Variants in LRRIQ1 observed in about 807,000 individuals in gnomAD.
The protein encoded by LRRIQ1 is leucine-rich repeat- and IQ domain-containing protein 1.
Under a neutral mutation model 211.9 loss-of-function variants are expected in LRRIQ1, and 210 were observed. The observed-to-expected ratio is 0.99, with a 90% CI of 0.89 to 1.11. The LOEUF is 1.11. LRRIQ1 is among the 50% of genes most tolerant of loss of function. The pLI is 0.00. For synonymous variants in LRRIQ1, 699 were observed against 650.1 expected (o/e 1.08, Z -1.14); for missense variants, 2,136 against 1,939.5 (o/e 1.10, Z -1.90).
At chr12:85,067,116 A>G (rs1882522461) in intron 10 of LRRIQ1, among the ~76,000 whole-genome samples, 1 of 151,898 alleles carries the variant, frequency 6.6e-6, no homozygotes, top group African/African-American at 2.4e-5. Flanking sequence ...AGCAGTTAGT[A>G]TATTTACTTC....
At chr12:85,073,451 G>A (rs1883310649) in intron 11 of LRRIQ1, among the ~76,000 whole-genome samples, 2 of 151,960 alleles carry the variant, frequency 1.3e-5, no homozygotes, top group Non-Finnish European at 2.9e-5. Context: ...CAAGTGCATT[G>A]ATAATGTATG....
chr12:85,036,689 C>T (rs1219445066), intron 1 of LRRIQ1, among the ~76,000 whole-genome samples: 2 of 151,836 alleles, frequency 1.3e-5, no homozygotes, highest in Non-Finnish European at 2.9e-5. Context: ...ATTTTCCTTC[C>T]TTCCTTCCCT....
intron 19 of LRRIQ1, among the ~76,000 whole-genome samples, chr12:85,141,617 A>G (rs751491942): frequency 3.0e-5 from 4 of 135,234 alleles, no homozygotes; most frequent in African/African-American, 1.1e-4. Flanking sequence ...CATAACGTAT[A>G]TCTTTCTAAC....
rs1895644491 is a variant in LRRIQ1 at position 85,244,853 on chromosome 12, T to TG, written c.5082dup (p.Ser1695ValfsTer20). On this transcript the variant is annotated frameshift_variant, in exon 27 of 27. Transcript: ENST00000393217. LOFTEE classifies it high-confidence loss of function. The stretch of plus-strand genomic sequence containing the variant: ...TTTTCCATGACCAATGGAAGTGCTT[T>TG]GTCTGTGAACAGAGAAAAAAAAAAT... The TG allele has an allele frequency of 1.9e-6, 3 of 1,606,538 alleles. No individual in the cohort carries two copies. The highest frequency in any genetic ancestry group is 1.7e-5 in the Admixed American group (1 of 58,858).
intron 24 of LRRIQ1, among the ~76,000 whole-genome samples, chr12:85,206,986 AC>A (rs1013212545): frequency 1.3e-5 from 2 of 151,814 alleles, no homozygotes; most frequent in South Asian, 2.1e-4. Flanking sequence ...CCCACACCAA[AC>A]CCTTGGAGCT....
Position 85,121,699 on chromosome 12 carries a change from A to T in LRRIQ1, c.3380A>T (p.Asp1127Val). The T allele has an allele frequency of 6.4e-7, 1 of 1,568,248 alleles. No homozygotes were observed. The highest frequency in any genetic ancestry group is 8.6e-7 in the Non-Finnish European group (1 of 1,159,986). Residue 1127 changes from aspartate to valine, a missense_variant and splice_region_variant, in exon 16 of 27, where the codon GAT (aspartate) becomes GTT (valine). Physicochemically the swap from Asp to Val is radical, Grantham distance 152 (BLOSUM62 -3). Transcript: ENST00000393217. ...NPLLQETNWRDSLLKVLPALR... is the reference protein window; with the variant it reads ...NPLLQETNWRVSLLKVLPALR... The stretch of plus-strand genomic sequence containing the variant: ...AACTTTTTTGTTGTTTTCAATAGGG[A>T]TTCTCTACTTAAAGTGTTGCCTGCT...
At chr12:85,175,335 A>G (rs188281586) in intron 24 of LRRIQ1, among the ~76,000 whole-genome samples, 10 of 152,310 alleles carry the variant, frequency 6.6e-5, no homozygotes, top group Middle Eastern at 3.4e-3. Context: ...AGAGAACACC[A>G]TGAGCAGTCC....
intron 24 of LRRIQ1, among the ~76,000 whole-genome samples, chr12:85,217,853 C>A (rs1592986053): frequency 6.6e-6 from 1 of 151,030 alleles, no homozygotes; most frequent in Non-Finnish European, 1.5e-5. Flanking sequence ...GCCACTATCA[C>A]CATGTTATTC....
At chr12:85,099,809 A>G (rs941733124) in intron 13 of LRRIQ1, among the ~76,000 whole-genome samples, 6 of 151,760 alleles carry the variant, frequency 4.0e-5, no homozygotes, top group African/African-American at 1.4e-4. Flanking sequence ...TCATCTCTCA[A>G]TCTCTTCCAC....
At chr12:85,193,751 G>T (rs537085966) in intron 24 of LRRIQ1, among the ~76,000 whole-genome samples, 8,550 of 151,018 alleles carry the variant, frequency 0.057, 795 homozygotes, top group African/African-American at 0.2. Flanking sequence ...AGACTAGGAA[G>T]AAACTGCATC....
intron 11 of LRRIQ1, among the ~76,000 whole-genome samples, chr12:85,096,722 CT>C (rs1255136653): frequency 6.6e-6 from 1 of 152,108 alleles, no homozygotes; most frequent in Non-Finnish European, 1.5e-5. Context: ...TGTTGGTTTT[CT>C]GCTTAAGTGA....
At chr12:85,137,371 A>AT (rs1046374266) in intron 18 of LRRIQ1, among the ~76,000 whole-genome samples, 1 of 151,530 alleles carries the variant, frequency 6.6e-6, no homozygotes, top group African/African-American at 2.4e-5. Flanking sequence ...AAATTTTGTT[A>AT]TTTTATGCTT....
chr12:85,262,770 T>A (rs1896334334), intron 1 of LRRIQ1: 1 of 223,410 alleles, frequency 4.5e-6, no homozygotes, highest in South Asian at 1.6e-4. Context: ...TAAACAAAAA[T>A]AAGCTCAACA....
intron 23 of LRRIQ1, among the ~76,000 whole-genome samples, chr12:85,158,012 C>A (rs527474420): frequency 6.6e-6 from 1 of 151,830 alleles, no homozygotes; most frequent in South Asian, 2.1e-4. Context: ...AAAACTCTAC[C>A]AAAATGAAGT....
chr12:85,161,678 C>T (rs1217938129), intron 24 of LRRIQ1, among the ~76,000 whole-genome samples: 1 of 152,140 alleles, frequency 6.6e-6, no homozygotes, highest in Non-Finnish European at 1.5e-5. Context: ...ACCAAATTTA[C>T]ACCATCCTAG....
chr12:85,262,114 T>G (rs954180305), intron 1 of LRRIQ1, among the ~76,000 whole-genome samples: 2 of 152,206 alleles, frequency 1.3e-5, no homozygotes, highest in Non-Finnish European at 2.9e-5. Flanking sequence ...ATTCTTGATA[T>G]GGCATCCTGG....
chr12:85,058,067 G>C (rs1881336448), intron 8 of LRRIQ1, among the ~76,000 whole-genome samples: 1 of 151,836 alleles, frequency 6.6e-6, no homozygotes, highest in Admixed American at 6.6e-5. Flanking sequence ...AATAAACAAA[G>C]AAAACCCAGT....
intron 24 of LRRIQ1, among the ~76,000 whole-genome samples, chr12:85,225,516 A>G (rs1894608493): frequency 6.6e-6 from 1 of 152,164 alleles, no homozygotes; most frequent in Non-Finnish European, 1.5e-5. Flanking sequence ...TTTTATAATA[A>G]AAGGTCAAAA....
At chr12:85,161,254 A>G (rs148157284) in intron 24 of LRRIQ1, among the ~76,000 whole-genome samples, 7 of 152,272 alleles carry the variant, frequency 4.6e-5, no homozygotes, top group Admixed American at 4.6e-4. Context: ...CATGAACTTA[A>G]ATTATTAAAC....
Sources: allele counts gnomAD v4.1 joint callset (sites outside exome capture counted in the v4.1 genomes callset), GRCh38; gene constraint gnomAD v4.1.1; transcripts MANE v1.5; gene names NCBI Gene and HGNC (gene_info 2026-07-23, HGNC 2026-07-21).